Variants in DLG2 observed in about 807,000 individuals in gnomAD.
The protein encoded by DLG2 is discs large MAGUK scaffold protein 2, also known as disks large homolog 2.
A neutral mutation model predicts 132.5 loss-of-function variants in DLG2; 45 were observed. The observed-to-expected ratio is 0.34, with a 90% CI of 0.27 to 0.44. DLG2 has a LOEUF of 0.44. Ranked by LOEUF, DLG2 falls within the 20% of genes least tolerant of loss-of-function variation. DLG2 has a pLI of 1.00. For missense variants in DLG2, 1,045 were observed against 1,196.9 expected, an observed-to-expected ratio of 0.87 and a Z score of 1.87; for synonymous variants, 424 against 419.6, an observed-to-expected ratio of 1.01 and a Z score of -0.13.
intron 3 of DLG2, among the ~76,000 whole-genome samples, chr11:85,460,134 G>C (rs987362530): frequency 1.3e-5 from 2 of 152,184 alleles, no homozygotes; most frequent in African/African-American, 4.8e-5. Context: ...GCCTCATCCT[G>C]TGAAATGCAG....
chr11:84,999,473 A>G (rs1272714594), intron 6 of DLG2, among the ~76,000 whole-genome samples: 1 of 152,158 alleles, frequency 6.6e-6, no homozygotes, highest in Non-Finnish European at 1.5e-5. Flanking sequence ...TCATCACTTG[A>G]CGTATGATTT....
At chr11:84,200,024 A>G (rs2096571447) in intron 8 of DLG2, among the ~76,000 whole-genome samples, 1 of 152,112 alleles carries the variant, frequency 6.6e-6, no homozygotes, top group East Asian at 1.9e-4. Context: ...TAAAAAAGAA[A>G]GAAAATCCCA....
chr11:83,645,037 C>T (rs760208294), intron 18 of DLG2, among the ~76,000 whole-genome samples: 5 of 152,086 alleles, frequency 3.3e-5, no homozygotes, highest in African/African-American at 4.8e-5. Context: ...GTCATTTAGG[C>T]ATCTCTTTCA....
At chr11:85,447,992 G>A (rs139559712) in intron 3 of DLG2, among the ~76,000 whole-genome samples, 478 of 152,248 alleles carry the variant, frequency 3.1e-3, no homozygotes, top group Admixed American at 5.8e-3. Flanking sequence ...TGGACAGATC[G>A]TTGACCTTAC....
chr11:84,517,055 T>A (rs868852069), intron 7 of DLG2, among the ~76,000 whole-genome samples: 1,939 of 78,146 alleles, frequency 0.025, 57 homozygotes, highest in African/African-American at 0.068. Flanking sequence ...AAATATTCTA[T>A]CCTAAAAAAA....
chr11:84,796,051 A>C (rs1422362302), intron 6 of DLG2, among the ~76,000 whole-genome samples: 1 of 152,258 alleles, frequency 6.6e-6, no homozygotes, highest in Non-Finnish European at 1.5e-5. Context: ...TGGGCAGAAC[A>C]AACCCAGTGG....
intron 7 of DLG2, among the ~76,000 whole-genome samples, chr11:84,447,648 TTTTTC>T (rs1346274750): frequency 4.6e-5 from 7 of 152,156 alleles, no homozygotes; most frequent in Admixed American, 3.3e-4. Flanking sequence ...TTTTTCTTTC[TTTTTC>T]TTTTCTAAGT....
intron 7 of DLG2, among the ~76,000 whole-genome samples, chr11:84,368,924 G>A (rs4943893): frequency 0.31 from 47,801 of 151,894 alleles, 9,543 homozygotes; most frequent in African/African-American, 0.57. Context: ...CCAGAGTCCA[G>A]TATACTGCAT....
At chr11:85,398,427 T>A (rs548251998) in intron 3 of DLG2, among the ~76,000 whole-genome samples, 17 of 151,734 alleles carry the variant, frequency 1.1e-4, no homozygotes, top group Admixed American at 2.6e-4. Flanking sequence ...ATAACTAAGA[T>A]CAGAGAAGAA....
chr11:83,870,002 C>A (rs117516044), intron 16 of DLG2, among the ~76,000 whole-genome samples: 1 of 152,160 alleles, frequency 6.6e-6, no homozygotes, highest in South Asian at 2.1e-4. Flanking sequence ...GGTTTTTGCA[C>A]GTGATTTTAT....
intron 6 of DLG2, among the ~76,000 whole-genome samples, chr11:85,058,493 C>G (rs1486932202): frequency 6.6e-6 from 1 of 151,426 alleles, no homozygotes; most frequent in Non-Finnish European, 1.5e-5. Flanking sequence ...TCAATGAATT[C>G]ACAACCAAAA....
intron 7 of DLG2, among the ~76,000 whole-genome samples, chr11:84,281,199 A>C (rs1314872135): frequency 6.6e-6 from 1 of 152,194 alleles, no homozygotes; most frequent in African/African-American, 2.4e-5. Flanking sequence ...ACCTAAATAA[A>C]GCATCTAAAG....
intron 19 of DLG2, among the ~76,000 whole-genome samples, chr11:83,555,838 T>C (rs2096504478): frequency 6.6e-6 from 1 of 152,220 alleles, no homozygotes; most frequent in African/African-American, 2.4e-5. Flanking sequence ...TCTTCTTTTA[T>C]TGATATCATG....
At chr11:85,491,604 T>C (rs1474162478) in intron 3 of DLG2, among the ~76,000 whole-genome samples, 1 of 152,076 alleles carries the variant, frequency 6.6e-6, no homozygotes, top group African/African-American at 2.4e-5. Context: ...TTCTACATGC[T>C]AACAAGAAAC....
intron 15 of DLG2, among the ~76,000 whole-genome samples, chr11:83,885,272 G>A (rs1256365454): frequency 3.3e-5 from 5 of 152,194 alleles, no homozygotes; most frequent in African/African-American, 7.2e-5. Context: ...GGAGCTGAAA[G>A]CCAAGGCTCG....
At position 84,534,941 on chromosome 11, in the gene DLG2, T is replaced by C. The variant is rs114556046; in HGVS notation, c.358-210A>G. The stretch of plus-strand genomic sequence containing the variant: ...TGAGTTAACCACGAATATTGACCAA[T>C]GTCCAGACTTGTTTCTGCCTGATAA... On this transcript the variant is annotated intron_variant, in intron 6 of 27. Coordinates refer to ENST00000376104, the MANE Select transcript of DLG2 (RefSeq NM_001142699.3). 5.1e-3 allele frequency: 3,421 copies of C among 675,690 alleles called. 92 individuals carry two copies. In the African/African-American group the frequency reaches 0.055, roughly 11 times the overall value. 41.9% of individuals were successfully genotyped at this position (675,690 alleles called of 1,614,324 possible). A position where few individuals can be genotyped will look rare whatever the true frequency, so the allele number is the denominator to read the frequency against.
chr11:84,145,648 G>T (rs145347794), intron 9 of DLG2, among the ~76,000 whole-genome samples: 1 of 152,108 alleles, frequency 6.6e-6, no homozygotes, highest in African/African-American at 2.4e-5. Context: ...AAAATATATT[G>T]GTCAGTTTAG....
intron 18 of DLG2, among the ~76,000 whole-genome samples, chr11:83,652,292 CT>C (rs1225243815): frequency 3.9e-4 from 60 of 152,086 alleles, no homozygotes; most frequent in Non-Finnish European, 7.1e-4. Flanking sequence ...GAGGAACAAC[CT>C]TTGAAAGCTA....
intron 14 of DLG2, among the ~76,000 whole-genome samples, chr11:83,953,641 A>G (rs1427274931): frequency 6.6e-6 from 1 of 152,192 alleles, no homozygotes; most frequent in Non-Finnish European, 1.5e-5. Flanking sequence ...GCTAAAGTAT[A>G]CATCTGTGGG....
Sources: allele counts gnomAD v4.1 joint callset (sites outside exome capture counted in the v4.1 genomes callset), GRCh38; gene constraint gnomAD v4.1.1; transcripts MANE v1.5; gene names NCBI Gene and HGNC (gene_info 2026-07-23, HGNC 2026-07-21).